The following DOCK8 variants were observed in gnomAD, a reference collection of about 807,000 sequenced individuals.
DOCK8 encodes the protein dedicator of cytokinesis 8.
In DOCK8, 141 loss-of-function variants were observed where a neutral mutation model predicts 245.6. That is an observed-to-expected ratio of 0.57 (90% CI 0.50 to 0.66). The LOEUF (loss-of-function observed/expected upper bound fraction) is 0.66, where lower values mean the gene tolerates loss of function less well. Among genes scored for constraint, DOCK8 ranks in the 30% least tolerant of loss-of-function variants. DOCK8 has a pLI of 0.00. For missense variants in DOCK8, 2,965 were observed against 2,603.4 expected, an observed-to-expected ratio of 1.14 and a Z score of -3.02; for synonymous variants, 1,168 against 970.2, an observed-to-expected ratio of 1.20 and a Z score of -3.79.
intron 46 of DOCK8, among the ~76,000 whole-genome samples, chr9:452,327 T>G (rs924923956): frequency 6.6e-6 from 1 of 152,146 alleles, no homozygotes; most frequent in South Asian, 2.1e-4. Context: ...CACTGAAGTT[T>G]GAGGACCACT....
chr9:290,751 T>G (rs905681990), intron 4 of DOCK8, among the ~76,000 whole-genome samples: 19 of 152,210 alleles, frequency 1.2e-4, no homozygotes, highest in African/African-American at 4.6e-4. Flanking sequence ...TGACAAGACA[T>G]TAGTAGTTTA....
chr9:443,998 T>G (rs1338005096), intron 43 of DOCK8, among the ~76,000 whole-genome samples: 1 of 152,194 alleles, frequency 6.6e-6, no homozygotes, highest in Non-Finnish European at 1.5e-5. Flanking sequence ...CGACAACACT[T>G]AGTGGCTTCC....
chr9:289,448 TA>T, intron 3 of DOCK8, 61 bp from the exon 4 acceptor site: 1 of 1,306,302 alleles, frequency 7.7e-7, no homozygotes, highest in Non-Finnish European at 1.1e-6. Context: ...TGCTCATGAT[TA>T]GGGGTTGTTT....
intron 46 of DOCK8, chr9:460,167 T>A (rs2057760149): frequency 6.6e-6 from 1 of 152,158 alleles, no homozygotes; most frequent in African/African-American, 2.4e-5. Context: ...AATTGAAGAT[T>A]TTTATGGTTA....
chr9:461,730 TG>T (rs1287256064), intron 46 of DOCK8, among the ~76,000 whole-genome samples: 1 of 151,660 alleles, frequency 6.6e-6, no homozygotes, highest in African/African-American at 2.4e-5. Flanking sequence ...TTTGTAGAGA[TG>T]GGGTTTTGCC....
intron 1 of DOCK8, among the ~76,000 whole-genome samples, chr9:236,354 C>T (rs1415597744): frequency 1.3e-5 from 2 of 152,206 alleles, no homozygotes; most frequent in African/African-American, 4.8e-5. Flanking sequence ...TTATTCAGAG[C>T]TGCGTTAGCT....
intron 35 of DOCK8, 46 bp from the exon 36 acceptor site, chr9:429,656 A>G (rs775643815): frequency 6.2e-7 from 1 of 1,612,502 alleles, no homozygotes; most frequent in Non-Finnish European, 8.5e-7. Flanking sequence ...CAGAAAGTGT[A>G]TCAAACTGCC....
intron 12 of DOCK8, among the ~76,000 whole-genome samples, chr9:337,000 G>A (rs1397527057): frequency 6.6e-6 from 1 of 152,108 alleles, no homozygotes; most frequent in Non-Finnish European, 1.5e-5. Flanking sequence ...TCCTGAGGTG[G>A]AGCACGGTGA....
At chr9:394,682 A>G (rs1336811362) in intron 24 of DOCK8, among the ~76,000 whole-genome samples, 1 of 152,224 alleles carries the variant, frequency 6.6e-6, no homozygotes, top group Non-Finnish European at 1.5e-5. Context: ...TAGTTTACTC[A>G]CTCAGGACAT....
intron 9 of DOCK8, among the ~76,000 whole-genome samples, chr9:330,477 G>A (rs1222760697): frequency 2.6e-5 from 4 of 152,026 alleles, no homozygotes; most frequent in Non-Finnish European, 5.9e-5. Flanking sequence ...CAAAGAAATG[G>A]GTTCAAATTC....
chr9:251,356 T>A (rs755817634), intron 1 of DOCK8, among the ~76,000 whole-genome samples: 5 of 151,856 alleles, frequency 3.3e-5, no homozygotes, highest in Non-Finnish European at 5.9e-5. Context: ...GGTATTTGGA[T>A]GCCATTTGGA....
chr9:235,161 A>G (rs903668223), intron 1 of DOCK8, among the ~76,000 whole-genome samples: 2 of 152,070 alleles, frequency 1.3e-5, no homozygotes, highest in Non-Finnish European at 2.9e-5. Flanking sequence ...CTAGAGGTCC[A>G]CTCCAGACGC....
At chr9:381,687 G>A (rs58242538) in intron 21 of DOCK8, among the ~76,000 whole-genome samples, 4,834 of 152,196 alleles carry the variant, frequency 0.032, 162 homozygotes, top group African/African-American at 0.087. Context: ...TGGGTGCGGT[G>A]GTTCATGCCT....
At chr9:424,342 C>G (rs1286679405) in intron 33 of DOCK8, among the ~76,000 whole-genome samples, 1 of 152,054 alleles carries the variant, frequency 6.6e-6, no homozygotes, top group Non-Finnish European at 1.5e-5. Flanking sequence ...TAAAACTTCC[C>G]AGGTGATTCT....
intron 33 of DOCK8, among the ~76,000 whole-genome samples, chr9:423,670 C>T (rs1280716792): frequency 1.3e-5 from 2 of 152,140 alleles, no homozygotes; most frequent in African/African-American, 2.4e-5. Flanking sequence ...GGTATCATGC[C>T]TATTTGCTTT....
chr9:400,940 A>G lies in DOCK8; in HGVS notation c.3234+1681A>G, dbSNP rs866499695. On this transcript the variant is annotated intron_variant, in intron 26 of 47. Transcript: ENST00000432829. ...CTTCACCATCACCACAACATCCACCACCACCATCACCACCACCACCACCAC... is the reference window on the plus strand; with the variant it reads ...CTTCACCATCACCACAACATCCACCGCCACCATCACCACCACCACCACCAC... 7.2e-5 allele frequency among the ~76,000 whole-genome samples: 4 copies of G among 55,690 alleles called. 1 individual carries two copies. The African/African-American group carries it at 1.1e-3, about 16-fold the overall frequency. The allele number at this position is 55,690 out of a possible 152,430, so 36.5% of individuals were successfully genotyped here. A position where few individuals can be genotyped will look rare whatever the true frequency, so the allele number is the denominator to read the frequency against.
Position 359,039 on chromosome 9 carries a change from G to C in DOCK8, c.1680-8979G>C, listed in dbSNP as rs370857822. 2.4e-3 allele frequency among the ~76,000 whole-genome samples: 366 copies of C among 152,320 alleles called. 5 individuals are homozygous for C. The highest frequency in any genetic ancestry group is 8.4e-3 in the African/African-American group (350 of 41,578). On this transcript the variant is annotated intron_variant, in intron 14 of 47. Transcript: ENST00000432829. Reference sequence around the variant, plus strand: ...ACACCTGGTGCATTGTTAAAATGTAGGTTCTCATCTAGCAGGTCCATGGTG... The same window carrying C: ...ACACCTGGTGCATTGTTAAAATGTACGTTCTCATCTAGCAGGTCCATGGTG...
intron 4 of DOCK8, among the ~76,000 whole-genome samples, chr9:296,553 A>G (rs952459204): frequency 2.0e-5 from 3 of 152,208 alleles, no homozygotes; most frequent in African/African-American, 7.2e-5. Context: ...GGAATGGGGT[A>G]TCATCTGTTT....
intron 4 of DOCK8, among the ~76,000 whole-genome samples, chr9:300,787 A>T (rs75985109): frequency 6.6e-6 from 1 of 152,148 alleles, no homozygotes; most frequent in Non-Finnish European, 1.5e-5. Context: ...GCCCCCTAAA[A>T]TTGAAGCAGG....
Sources: gnomAD v4.1 joint callset for allele counts (sites outside exome capture counted in the v4.1 genomes callset) on GRCh38, gnomAD v4.1.1 for gene constraint, MANE v1.5 for transcripts, NCBI Gene and HGNC (gene_info 2026-07-23, HGNC 2026-07-21) for gene names.